The following NLGN1 variants were observed in gnomAD, a reference collection of about 807,000 sequenced individuals.
NLGN1 encodes neuroligin-1.
A neutral mutation model predicts 65.5 loss-of-function variants in NLGN1; 12 were observed. The observed-to-expected ratio is 0.18, with a 90% CI of 0.12 to 0.30. The LOEUF is 0.30. Among genes scored for constraint, NLGN1 ranks in the 10% least tolerant of loss-of-function variants. The pLI is 1.00. For synonymous variants in NLGN1, 350 were observed against 359.5 expected (o/e 0.97, Z 0.30); for missense variants, 750 against 1,007.1 (o/e 0.74, Z 3.46).
chr3:174,063,140 T>G (rs1482027174), intron 4 of NLGN1, among the ~76,000 whole-genome samples: 3 of 152,086 alleles, frequency 2.0e-5, no homozygotes, highest in African/African-American at 7.2e-5. Flanking sequence ...GAAACAATAA[T>G]ATGGAATACA....
chr3:173,540,303 TGGATCTGCTACAG>T (rs1738632472), intron 2 of NLGN1, among the ~76,000 whole-genome samples: 1 of 152,186 alleles, frequency 6.6e-6, no homozygotes, highest in Non-Finnish European at 1.5e-5. Context: ...CACAGCTGCC[TGGATCTGCTACAG>T]AGCCTTCTCT....
At chr3:173,655,847 G>A (rs1195011634) in intron 3 of NLGN1, among the ~76,000 whole-genome samples, 2 of 152,040 alleles carry the variant, frequency 1.3e-5, no homozygotes, top group African/African-American at 4.8e-5. Context: ...AGTGGATGGT[G>A]TCCAGGTTCT....
chr3:173,903,780 C>T (rs148336357), intron 4 of NLGN1, among the ~76,000 whole-genome samples: 47 of 152,256 alleles, frequency 3.1e-4, no homozygotes, highest in Middle Eastern at 6.8e-3. Flanking sequence ...TTTAAAGTCT[C>T]AAATGAGAGT....
chr3:173,857,117 C>G (rs1208132119), intron 4 of NLGN1, among the ~76,000 whole-genome samples: 1 of 151,830 alleles, frequency 6.6e-6, no homozygotes, highest in African/African-American at 2.4e-5. Context: ...AAAGGAATGC[C>G]ACCTGGACAC....
intron 3 of NLGN1, among the ~76,000 whole-genome samples, chr3:173,715,889 A>G (rs1769773447): frequency 2.6e-5 from 1 of 39,166 alleles, no homozygotes; most frequent in Non-Finnish European, 8.0e-5. Context: ...AGAGTTTTGA[A>G]AAAAAAAATT....
chr3:174,293,418 G>A, the NLGN1 span, among the ~76,000 whole-genome samples: 3 of 151,394 alleles, frequency 2.0e-5, no homozygotes, highest in African/African-American at 7.3e-5. Flanking sequence ...AAGAACATGA[G>A]TTTATTAATT....
At chr3:173,418,427 A>G (rs569769842) in intron 1 of NLGN1, among the ~76,000 whole-genome samples, 6 of 152,238 alleles carry the variant, frequency 3.9e-5, no homozygotes, top group Middle Eastern at 3.4e-3. Flanking sequence ...TTCAATGTAT[A>G]TTCCTAAGGT....
At chr3:173,638,400 C>A (rs1325059333) in intron 3 of NLGN1, among the ~76,000 whole-genome samples, 15 of 148,016 alleles carry the variant, frequency 1.0e-4, no homozygotes, top group South Asian at 2.1e-4. Flanking sequence ...AAAAAAAAAA[C>A]CCAATAAATT....
At chr3:173,789,159 A>G (rs1712033520) in intron 3 of NLGN1, among the ~76,000 whole-genome samples, 1 of 151,824 alleles carries the variant, frequency 6.6e-6, no homozygotes, top group South Asian at 2.1e-4. Context: ...AGATCGCGCC[A>G]CTGCACTCTA....
At chr3:173,598,295 G>A (rs2149424638) in intron 2 of NLGN1, among the ~76,000 whole-genome samples, 1 of 152,238 alleles carries the variant, frequency 6.6e-6, no homozygotes, top group Admixed American at 6.5e-5. Context: ...CACTGTAAGT[G>A]CTATATGCAT....
chr3:174,053,828 T>C (rs187441360), intron 4 of NLGN1, among the ~76,000 whole-genome samples: 1 of 152,008 alleles, frequency 6.6e-6, no homozygotes, highest in Non-Finnish European at 1.5e-5. Context: ...CAGCATTACA[T>C]TACACATGAT....
At chr3:173,688,512 A>G (rs1765000419) in intron 3 of NLGN1, among the ~76,000 whole-genome samples, 3 of 152,166 alleles carry the variant, frequency 2.0e-5, no homozygotes, top group Admixed American at 1.3e-4. Context: ...CTTTTTAATC[A>G]TAGCAATACA....
In NLGN1 at chr3:174,272,681, A is replaced by G. The variant is rs1414145268; in HGVS notation, c.647-2634A>G. Among the ~76,000 whole-genome samples the G allele has an allele frequency of 2.0e-5, 3 of 148,604 alleles. No individual in the cohort carries two copies. In the East Asian group the frequency reaches 5.9e-4, roughly 29 times the overall value. ...TGGATGGATGGATAGATAGATAGATAGATAGATAGATAGATAGATAGATAG... is the reference window on the plus strand; with the variant it reads ...TGGATGGATGGATAGATAGATAGATGGATAGATAGATAGATAGATAGATAG... On this transcript the variant is annotated intron_variant, in intron 4 of 6. Transcript: ENST00000457714.
intron 3 of NLGN1, among the ~76,000 whole-genome samples, chr3:173,777,810 A>C (rs1269341168): frequency 6.6e-6 from 1 of 151,846 alleles, no homozygotes; most frequent in Non-Finnish European, 1.5e-5. Context: ...TCAGGAAATG[A>C]CTGCTTTTGA....
At chr3:174,113,482 T>C (rs1487470016) in intron 4 of NLGN1, among the ~76,000 whole-genome samples, 1 of 152,112 alleles carries the variant, frequency 6.6e-6, no homozygotes, top group Non-Finnish European at 1.5e-5. Flanking sequence ...GGGGAACATG[T>C]CAGTAAAAAC....
intron 4 of NLGN1, among the ~76,000 whole-genome samples, chr3:173,828,315 T>C (rs563265705): frequency 1.8e-4 from 27 of 152,218 alleles, no homozygotes; most frequent in African/African-American, 6.5e-4. Context: ...GACTTAAACA[T>C]TTTTGTGGAT....
At chr3:173,572,752 C>G (rs776945409) in intron 2 of NLGN1, among the ~76,000 whole-genome samples, 1 of 152,304 alleles carries the variant, frequency 6.6e-6, no homozygotes, top group Non-Finnish European at 1.5e-5. Flanking sequence ...TATTTTCTCT[C>G]ATCTGATCAG....
intron 4 of NLGN1, among the ~76,000 whole-genome samples, chr3:174,253,320 C>A (rs1291301572): frequency 6.6e-6 from 1 of 152,168 alleles, no homozygotes; most frequent in Non-Finnish European, 1.5e-5. Context: ...CTTCAACCCA[C>A]AGCATCTGTC....
intron 4 of NLGN1, among the ~76,000 whole-genome samples, chr3:174,270,395 A>AAAC (rs1404407064): frequency 1.3e-5 from 2 of 151,820 alleles, no homozygotes; most frequent in Non-Finnish European, 2.9e-5. Flanking sequence ...TTTGTTGAAG[A>AAAC]AACTGTTCTT....
Sources: allele counts gnomAD v4.1 joint callset (sites outside exome capture counted in the v4.1 genomes callset), GRCh38; gene constraint gnomAD v4.1.1; transcripts MANE v1.5; gene names NCBI Gene and HGNC (gene_info 2026-07-23, HGNC 2026-07-21).